Variants in STARD13 observed in about 807,000 individuals in gnomAD.
STARD13 encodes the protein StAR related lipid transfer domain containing 13, also known as stAR-related lipid transfer protein 13.
A neutral mutation model predicts 106.4 loss-of-function variants in STARD13; 62 were observed. That is an observed-to-expected ratio of 0.58 (90% CI 0.48 to 0.72). The LOEUF is 0.72. STARD13 is among the 30% of genes least tolerant of loss of function. The pLI is 0.00. For synonymous variants in STARD13, 565 were observed against 553.0 expected, an observed-to-expected ratio of 1.02 and a Z score of -0.31; for missense variants, 1,387 against 1,424.0, an observed-to-expected ratio of 0.97 and a Z score of 0.42.
chr13:33,116,300 T>C (rs1372266520), intron 8 of STARD13, among the ~76,000 whole-genome samples: 3 of 152,230 alleles, frequency 2.0e-5, no homozygotes, highest in Non-Finnish European at 2.9e-5. Flanking sequence ...ACTTCCTCCA[T>C]GAAGCCCTCA....
At chr13:33,620,961 AT>A in the STARD13 span, among the ~76,000 whole-genome samples, 1 of 151,884 alleles carries the variant, frequency 6.6e-6, no homozygotes, top group African/African-American at 2.4e-5. Flanking sequence ...AACACACAGT[AT>A]GCTAAAATTT....
the STARD13 span, among the ~76,000 whole-genome samples, chr13:33,588,389 T>C: frequency 6.6e-6 from 1 of 152,200 alleles, no homozygotes; most frequent in Non-Finnish European, 1.5e-5. Flanking sequence ...ACAGTGTTTA[T>C]GGATTGCCTG....
At chr13:33,206,366 A>AACACACACAC (rs59306930) in intron 1 of STARD13, among the ~76,000 whole-genome samples, 8 of 149,472 alleles carry the variant, frequency 5.4e-5, no homozygotes, top group Non-Finnish European at 1.2e-4. Context: ...CCATGACTGA[A>AACACACACAC]ACACACACAC....
chr13:33,383,185 G>A, the STARD13 span, among the ~76,000 whole-genome samples: 1 of 152,170 alleles, frequency 6.6e-6, no homozygotes, highest in African/African-American at 2.4e-5. Flanking sequence ...CACATGGGTA[G>A]CGTATGCTTC....
At chr13:33,147,924 G>A (rs1173090580) in intron 3 of STARD13, among the ~76,000 whole-genome samples, 2 of 152,196 alleles carry the variant, frequency 1.3e-5, no homozygotes, top group Non-Finnish European at 2.9e-5. Context: ...CGCACAAAGA[G>A]AGTCAACTTA....
At chr13:33,575,757 T>C in the STARD13 span, among the ~76,000 whole-genome samples, 5 of 152,130 alleles carry the variant, frequency 3.3e-5, no homozygotes, top group African/African-American at 1.2e-4. Flanking sequence ...GCCCTCAAGA[T>C]AAACCAGGGC....
the STARD13 span, among the ~76,000 whole-genome samples, chr13:33,369,680 G>T: frequency 6.6e-6 from 1 of 151,716 alleles, no homozygotes; most frequent in African/African-American, 2.4e-5. Context: ...GTGTATATAT[G>T]TTCATACATG....
At chr13:33,643,821 T>C in the STARD13 span, among the ~76,000 whole-genome samples, 4 of 152,182 alleles carry the variant, frequency 2.6e-5, no homozygotes, top group African/African-American at 4.8e-5. Context: ...CTTGCATCAG[T>C]GAACTCTCCA....
At chr13:33,201,057 A>T (rs74796655) in intron 1 of STARD13, among the ~76,000 whole-genome samples, 1 of 150,820 alleles carries the variant, frequency 6.6e-6, no homozygotes, top group Non-Finnish European at 1.5e-5. Context: ...ACAAATAAAT[A>T]AACAAATAAA....
At chr13:33,308,520 C>CTTTCTT (rs1893003354) in intron 1 of STARD13, among the ~76,000 whole-genome samples, 5 of 88,552 alleles carry the variant, frequency 5.6e-5, no homozygotes, top group African/African-American at 8.8e-5. Flanking sequence ...CTTTTTCTTT[C>CTTTCTT]TTTTTTTTTT....
intron 1 of STARD13, chr13:33,273,988 T>C (rs533647315): frequency 2.0e-5 from 3 of 152,302 alleles, no homozygotes; most frequent in Admixed American, 2.0e-4. Flanking sequence ...TAGATACTAA[T>C]ATCGATCTTC....
downstream of STARD13, among the ~76,000 whole-genome samples, chr13:33,346,879 C>A (rs937782340): frequency 1.3e-5 from 2 of 151,898 alleles, no homozygotes. Flanking sequence ...CGCAGGTGAT[C>A]CACCTGCCTC....
chr13:33,473,843 G>A, the STARD13 span, among the ~76,000 whole-genome samples: 1 of 152,262 alleles, frequency 6.6e-6, no homozygotes, highest in East Asian at 1.9e-4. Flanking sequence ...GTTCTTTTGT[G>A]GGCCCAGACA....
At chr13:33,491,798 A>G in the STARD13 span, among the ~76,000 whole-genome samples, 1 of 152,256 alleles carries the variant, frequency 6.6e-6, no homozygotes, top group Non-Finnish European at 1.5e-5. Context: ...GTTGTCCCAG[A>G]GGATTCTTCT....
chr13:33,421,122 T>C, the STARD13 span, among the ~76,000 whole-genome samples: 1 of 151,954 alleles, frequency 6.6e-6, no homozygotes, highest in East Asian at 1.9e-4. Context: ...CTGAAAGAGA[T>C]AGACACAAAA....
chr13:33,512,297 T>C, the STARD13 span, among the ~76,000 whole-genome samples: 2 of 152,162 alleles, frequency 1.3e-5, no homozygotes, highest in East Asian at 1.9e-4. Flanking sequence ...TCCTATTATA[T>C]GTGAGCAAAA....
chr13:33,602,007 C>A, the STARD13 span, among the ~76,000 whole-genome samples: 1 of 152,074 alleles, frequency 6.6e-6, no homozygotes, highest in South Asian at 2.1e-4. Context: ...GGAACTTGTT[C>A]CTGAGAATAA....
the STARD13 span, among the ~76,000 whole-genome samples, chr13:33,444,111 G>A: frequency 6.6e-6 from 1 of 152,212 alleles, no homozygotes; most frequent in Admixed American, 6.5e-5. Flanking sequence ...TAGATCACGT[G>A]TCTCTCGACC....
Position 33,187,546 on chromosome 13 carries a change from T to C in STARD13, c.170-19924A>G, listed in dbSNP as rs550630436. On this transcript the variant is annotated intron_variant, in intron 1 of 13. Transcript: ENST00000336934. ...TGCATTTTACTGAGACTTCTATCTT[T>C]ATTTGTCACTAACCATTCATTCATT... Among the ~76,000 whole-genome samples, 25 of 152,314 alleles carry C rather than the reference T, an allele frequency of 1.6e-4. No individual in the cohort carries two copies. In the South Asian group the frequency reaches 2.1e-3, roughly 13 times the overall value.
Sources: allele counts gnomAD v4.1 joint callset (sites outside exome capture counted in the v4.1 genomes callset), GRCh38; gene constraint gnomAD v4.1.1; transcripts MANE v1.5; gene names NCBI Gene and HGNC (gene_info 2026-07-23, HGNC 2026-07-21).